Variants in TNNI3K observed in about 807,000 individuals in gnomAD.
TNNI3K encodes TNNI3 interacting kinase, also known as serine/threonine-protein kinase TNNI3K.
Under a neutral mutation model 114.5 loss-of-function variants are expected in TNNI3K, and 140 were observed. The observed-to-expected ratio is 1.22, with a 90% confidence interval of 1.07 to 1.41. The LOEUF is 1.41. Ranked by LOEUF, TNNI3K falls within the 40% of genes most tolerant of loss-of-function variation. The pLI is 0.00. For missense variants in TNNI3K, 1,125 were observed against 1,007.6 expected (o/e 1.12, Z -1.58); for synonymous variants, 347 against 347.5 (o/e 1.00, Z 0.02).
chr1:74,459,799 G>A (rs1294669701), intron 20 of TNNI3K, among the ~76,000 whole-genome samples: 1 of 152,096 alleles, frequency 6.6e-6, no homozygotes, highest in African/African-American at 2.4e-5. Flanking sequence ...TCTTGATAAA[G>A]TATCGACAAA....
chr1:74,279,160 G>A (rs911662408), intron 5 of TNNI3K, among the ~76,000 whole-genome samples: 3 of 152,136 alleles, frequency 2.0e-5, no homozygotes, highest in African/African-American at 7.2e-5. Flanking sequence ...GAGAGAAAGT[G>A]GCTAAATGGG....
chr1:74,519,019 C>T (rs1646393750), intron 23 of TNNI3K, among the ~76,000 whole-genome samples: 1 of 113,710 alleles, frequency 8.8e-6, no homozygotes, highest in Admixed American at 8.6e-5. Context: ...TCTCCCAATG[C>T]TATCCCTTCC....
At chr1:74,500,248 AG>A (rs1320181712) in intron 23 of TNNI3K, among the ~76,000 whole-genome samples, 11 of 152,080 alleles carry the variant, frequency 7.2e-5, no homozygotes, top group African/African-American at 1.9e-4. Flanking sequence ...TGTTTTATTT[AG>A]GCTTACCTCA....
chr1:74,433,852 T>C (rs1666004163), intron 17 of TNNI3K, among the ~76,000 whole-genome samples: 2 of 152,088 alleles, frequency 1.3e-5, no homozygotes, highest in Non-Finnish European at 2.9e-5. Context: ...GGTTTTCTGG[T>C]TATATGGCTC....
At chr1:74,519,388 G>A (rs1362223587) in intron 23 of TNNI3K, among the ~76,000 whole-genome samples, 1 of 120,610 alleles carries the variant, frequency 8.3e-6, no homozygotes, top group Non-Finnish European at 1.6e-5. Context: ...ACTCATTTGG[G>A]TATATACCCA....
intron 2 of TNNI3K, among the ~76,000 whole-genome samples, chr1:74,238,829 T>C (rs11210443): frequency 0.28 from 42,036 of 151,702 alleles, 7,325 homozygotes; most frequent in Non-Finnish European, 0.4. Context: ...TAGAATGATG[T>C]TTCTGCAAGA....
At chr1:74,305,402 G>C (rs1355758532) in intron 5 of TNNI3K, among the ~76,000 whole-genome samples, 1 of 152,224 alleles carries the variant, frequency 6.6e-6, no homozygotes. Context: ...GAGCTGGGAA[G>C]AATTTGGGTT....
rs761357387 is a variant in TNNI3K at position 74,489,305 on chromosome 1, G to C, written c.2181+57G>C. ...AAAAAAGCCCTGCATATCCAAGGCT[G>C]TCAGGGAATGTAGATGAGCTGGTGC... On this transcript the variant is annotated intron_variant, in intron 22 of 24. Coordinates refer to ENST00000326637, the MANE Select transcript of TNNI3K (RefSeq NM_015978.3). 5 of 1,549,766 alleles carry C rather than the reference G, an allele frequency of 3.2e-6. No homozygotes were observed. In the South Asian group the frequency reaches 5.9e-5, roughly 18 times the overall value.
chr1:74,544,085 G>T lies in TNNI3K; in HGVS notation c.*103G>T, dbSNP rs1188678934. ...CAACTATAACATTTTACTCTCAAAG[G>T]TCTCCTTAAATTGGGCTTGTTTTTA... On this transcript the variant is annotated 3_prime_UTR_variant, in exon 25 of 25. Coordinates refer to ENST00000326637, the MANE Select transcript of TNNI3K (RefSeq NM_015978.3). 3 of 1,300,854 alleles carry T rather than the reference G, an allele frequency of 2.3e-6. No individual in the cohort carries two copies. In the African/African-American group the frequency reaches 4.5e-5, roughly 20 times the overall value. The allele number at this position is 1,300,854 out of a possible 1,614,324, so 80.6% of individuals were successfully genotyped here.
rs45542835 is a variant in TNNI3K, at chr1:74,404,190, C to A, written c.1773-31890C>A. Among the ~76,000 whole-genome samples, 982 of 152,216 alleles carry A rather than the reference C, an allele frequency of 6.5e-3. 9 individuals are homozygous for A. The highest frequency in any genetic ancestry group is 0.023 in the African/African-American group (944 of 41,526). On this transcript the variant is annotated intron_variant, in intron 17 of 24. Coordinates refer to ENST00000326637, the MANE Select transcript of TNNI3K (RefSeq NM_015978.3). ...TTAAATATGAATTATTACATCCATCCTTTTCATCACCACCAAGGGTAAATC... is the reference window on the plus strand; with the variant it reads ...TTAAATATGAATTATTACATCCATCATTTTCATCACCACCAAGGGTAAATC...
chr1:74,465,872 C>T (rs76205521), intron 21 of TNNI3K, among the ~76,000 whole-genome samples: 4 of 152,190 alleles, frequency 2.6e-5, no homozygotes, highest in Admixed American at 2.6e-4. Context: ...ATGGACCAAT[C>T]AGCAGGATGT....
chr1:74,334,585 A>G (rs755792860), intron 6 of TNNI3K, among the ~76,000 whole-genome samples: 5 of 152,196 alleles, frequency 3.3e-5, no homozygotes, highest in African/African-American at 9.7e-5. Flanking sequence ...AAGTATATAT[A>G]TAAGTGACTC....
intron 17 of TNNI3K, among the ~76,000 whole-genome samples, chr1:74,425,559 A>C (rs1306507774): frequency 6.6e-6 from 1 of 151,650 alleles, no homozygotes; most frequent in African/African-American, 2.4e-5. Context: ...CTTGCCCTTT[A>C]CTCCTCCAGT....
intron 23 of TNNI3K, among the ~76,000 whole-genome samples, chr1:74,527,559 T>G (rs974795249): frequency 2.0e-5 from 3 of 151,908 alleles, no homozygotes; most frequent in Admixed American, 6.6e-5. Context: ...CTATGGTGGA[T>G]AGGGAGGGGA....
Position 74,418,647 on chromosome 1 carries a change from A to G in TNNI3K, c.1773-17433A>G, listed in dbSNP as rs529775861. Among the ~76,000 whole-genome samples the G allele has an allele frequency of 5.9e-5, 9 of 152,132 alleles. No individual in the cohort carries two copies. In the East Asian group the frequency reaches 9.7e-4, roughly 16 times the overall value. On this transcript the variant is annotated intron_variant, in intron 17 of 24. Transcript: ENST00000326637. The stretch of plus-strand genomic sequence containing the variant: ...GAAAATGGTTGGCATTTACAGCTCA[A>G]CCTAATCTTACACTGATATTCTGTC...
rs374512255 is a variant in TNNI3K at position 74,523,598 on chromosome 1, C to T, written c.2352-16636C>T. On this transcript the variant is annotated intron_variant, in intron 23 of 24. Coordinates refer to ENST00000326637, the MANE Select transcript of TNNI3K (RefSeq NM_015978.3). Reference sequence around the variant, plus strand: ...GGTGAATATTTAGACTTCAGCTCTGCCCTCTTCATGAGTCTAGCTTTGCAG... The same window carrying T: ...GGTGAATATTTAGACTTCAGCTCTGTCCTCTTCATGAGTCTAGCTTTGCAG... Among the ~76,000 whole-genome samples the T allele has an allele frequency of 3.9e-5, 6 of 152,156 alleles. No individual in the cohort carries two copies. The East Asian group carries it at 1.2e-3, about 29-fold the overall frequency.
intron 9 of TNNI3K, among the ~76,000 whole-genome samples, chr1:74,352,000 A>T (rs1056686303): frequency 6.6e-6 from 1 of 151,854 alleles, no homozygotes; most frequent in Admixed American, 6.6e-5. Flanking sequence ...GCTTTGTTCC[A>T]TTGCTGGTGA....
intron 17 of TNNI3K, among the ~76,000 whole-genome samples, chr1:74,386,657 A>G (rs1298141402): frequency 1.3e-5 from 2 of 152,226 alleles, no homozygotes; most frequent in Non-Finnish European, 2.9e-5. Context: ...AGTGAAAATT[A>G]TATATCAAAT....
intron 23 of TNNI3K, among the ~76,000 whole-genome samples, chr1:74,528,576 G>A (rs976995005): frequency 6.6e-6 from 1 of 152,172 alleles, no homozygotes; most frequent in Non-Finnish European, 1.5e-5. Context: ...TTAGGATAAT[G>A]GGAGCTAGGT....
Sources: gnomAD v4.1 joint callset for allele counts (sites outside exome capture counted in the v4.1 genomes callset) on GRCh38, gnomAD v4.1.1 for gene constraint, MANE v1.5 for transcripts, NCBI Gene and HGNC (gene_info 2026-07-23, HGNC 2026-07-21) for gene names.